The following RIMKLB variants were observed in gnomAD, a reference collection of about 807,000 sequenced individuals.
The protein encoded by RIMKLB is ribosomal modification protein rimK like family member B, also known as beta-citrylglutamate synthase B.
In RIMKLB, 7 loss-of-function variants were observed where a neutral mutation model predicts 32.0. That is an observed-to-expected ratio of 0.22 (90% CI 0.12 to 0.41). The LOEUF (loss-of-function observed/expected upper bound fraction) is 0.41. Ranked by LOEUF, RIMKLB falls within the 10% of genes least tolerant of loss-of-function variation. The pLI is 1.00. For synonymous variants in RIMKLB, 172 were observed against 185.1 expected (o/e 0.93, Z 0.57); for missense variants, 289 against 498.7 (o/e 0.58, Z 4.00).
At chr12:8,680,744 T>G (rs1942393728), upstream of RIMKLB, among the ~76,000 whole-genome samples, 1 of 152,132 alleles carries the variant, frequency 6.6e-6, no homozygotes, top group Admixed American at 6.5e-5. Flanking sequence ...CTCATTCAGT[T>G]AAGATGAAAA....
chr12:8,706,465 C>T (rs11046871), intron 1 of RIMKLB, among the ~76,000 whole-genome samples: 8,862 of 79,232 alleles, frequency 0.11, 957 homozygotes, highest in African/African-American at 0.33. Flanking sequence ...TTTTTTTTTT[C>T]CTGAGACTGA....
At chr12:8,719,431 C>T (rs1945215475) in intron 2 of RIMKLB, among the ~76,000 whole-genome samples, 1 of 152,040 alleles carries the variant, frequency 6.6e-6, no homozygotes, top group African/African-American at 2.4e-5. Flanking sequence ...TGCAATGGTG[C>T]GATCTCGGCT....
At chr12:8,691,710 C>A (rs1386241225) in intron 1 of RIMKLB, among the ~76,000 whole-genome samples, 4 of 152,120 alleles carry the variant, frequency 2.6e-5, no homozygotes, top group Admixed American at 6.6e-5. Flanking sequence ...ATAGGATAAC[C>A]ACATGAACTT....
At chr12:8,707,593 A>G (rs1445447445) in intron 1 of RIMKLB, among the ~76,000 whole-genome samples, 5 of 152,198 alleles carry the variant, frequency 3.3e-5, no homozygotes, top group African/African-American at 1.2e-4. Context: ...CTTGACTGTT[A>G]GCCCGTCTCC....
chr12:8,677,654 G>A (rs1046267237), upstream of RIMKLB, among the ~76,000 whole-genome samples: 2 of 152,064 alleles, frequency 1.3e-5, no homozygotes, highest in East Asian at 1.9e-4. Context: ...CTTAGGATGC[G>A]GACGAAACTC....
chr12:8,718,657 A>ATG (rs1394689486), intron 2 of RIMKLB, among the ~76,000 whole-genome samples: 151 of 133,608 alleles, frequency 1.1e-3, no homozygotes, highest in African/African-American at 4.5e-3. Context: ...CTCTCTCTAT[A>ATG]TATATATATA....
At chr12:8,686,628 C>T (rs1322198644) in intron 1 of RIMKLB, among the ~76,000 whole-genome samples, 10 of 151,514 alleles carry the variant, frequency 6.6e-5, no homozygotes, top group Non-Finnish European at 7.4e-5. Context: ...TACAGGCGCC[C>T]GCCACCACGC....
intron 1 of RIMKLB, among the ~76,000 whole-genome samples, chr12:8,699,229 G>A (rs1943169668): frequency 6.6e-6 from 1 of 152,030 alleles, no homozygotes. Flanking sequence ...CTCTAAATAG[G>A]TATAGAAAGT....
At chr12:8,754,312 C>T (rs1466958979) in intron 5 of RIMKLB, among the ~76,000 whole-genome samples, 1 of 152,102 alleles carries the variant, frequency 6.6e-6, no homozygotes, top group African/African-American at 2.4e-5. Flanking sequence ...ATTAAATCTG[C>T]CTTCACCCGT....
chr12:8,677,901 C>T (rs1372384955), upstream of RIMKLB, among the ~76,000 whole-genome samples: 3 of 151,186 alleles, frequency 2.0e-5, no homozygotes, highest in Admixed American at 6.6e-5. Flanking sequence ...TACAGGCATG[C>T]GCCACCATGC....
chr12:8,750,935 T>C (rs986724468), intron 3 of RIMKLB, among the ~76,000 whole-genome samples: 3 of 152,216 alleles, frequency 2.0e-5, no homozygotes, highest in African/African-American at 7.2e-5. Context: ...AGTAGAGTGC[T>C]TGGAGATTTC....
intron 2 of RIMKLB, among the ~76,000 whole-genome samples, chr12:8,737,642 T>G (rs1373462218): frequency 2.6e-5 from 4 of 152,190 alleles, no homozygotes; most frequent in African/African-American, 9.7e-5. Context: ...AAAATGGATT[T>G]TCCCCCCCTC....
rs755841859 is a variant in RIMKLB, at chr12:8,749,978, A to G, written c.292A>G (p.Met98Val). The G allele has an allele frequency of 7.4e-6, 12 of 1,614,040 alleles. No individual in the cohort carries two copies. The highest frequency in any genetic ancestry group is 9.3e-6 in the Non-Finnish European group (11 of 1,179,954). ...CACTGTTTTGCGCCATCTAGAGAAG[A>G]TGGGATGTCGGTTAATGAACCGACC... ...DITVLRHLEK[M>V]GCRLMNRPQA... Residue 98 changes from methionine (M) to valine (V), a missense_variant, in exon 3 of 6, where the codon ATG becomes GTG. Transcript: ENST00000535829.
intron 5 of RIMKLB, among the ~76,000 whole-genome samples, chr12:8,759,648 CCAA>C (rs1189627718): frequency 2.0e-5 from 3 of 152,052 alleles, no homozygotes; most frequent in African/African-American, 7.2e-5. Flanking sequence ...GCATTTCTGA[CCAA>C]CGACTACTAA....
At chr12:8,758,119 A>G (rs1054860952) in intron 5 of RIMKLB, among the ~76,000 whole-genome samples, 1 of 151,778 alleles carries the variant, frequency 6.6e-6, no homozygotes, top group Non-Finnish European at 1.5e-5. Context: ...ATTTTAATTT[A>G]TCTCTCACTG....
chr12:8,782,629 A>G (rs1467321952), intron 7 of RIMKLB, among the ~76,000 whole-genome samples: 1 of 152,182 alleles, frequency 6.6e-6, no homozygotes, highest in Non-Finnish European at 1.5e-5. Context: ...AAATTTGGGA[A>G]ATAAGGTTGC....
At chr12:8,735,344 C>T (rs1431202770) in intron 2 of RIMKLB, among the ~76,000 whole-genome samples, 2 of 152,194 alleles carry the variant, frequency 1.3e-5, no homozygotes, top group Admixed American at 1.3e-4. Context: ...ATTTTCCTGC[C>T]TCAGCTTCTA....
chr12:8,726,676 T>C (rs114100298), intron 2 of RIMKLB, among the ~76,000 whole-genome samples: 1,970 of 152,218 alleles, frequency 0.013, 40 homozygotes, highest in African/African-American at 0.046. Flanking sequence ...TTTCATTTTA[T>C]TTACTGTTAA....
intron 1 of RIMKLB, among the ~76,000 whole-genome samples, chr12:8,691,290 CA>C (rs1392678934): frequency 6.6e-6 from 1 of 151,962 alleles, no homozygotes; most frequent in Non-Finnish European, 1.5e-5. Context: ...CACACTTGGC[CA>C]AATTTTTTTT....
Sources: allele counts gnomAD v4.1 joint callset (sites outside exome capture counted in the v4.1 genomes callset), GRCh38; gene constraint gnomAD v4.1.1; transcripts MANE v1.5; gene names NCBI Gene and HGNC (gene_info 2026-07-23, HGNC 2026-07-21).